Variants in KIF2A observed in about 807,000 individuals in gnomAD.
KIF2A encodes the protein kinesin-like protein KIF2A.
Under a neutral mutation model 100.2 loss-of-function variants are expected in KIF2A, and 22 were observed. That is an observed-to-expected ratio of 0.22 (90% CI 0.16 to 0.31). The LOEUF is 0.31. Ranked by LOEUF, KIF2A falls within the 10% of genes least tolerant of loss-of-function variation. KIF2A has a pLI of 1.00. For missense variants in KIF2A, 495 were observed against 898.7 expected, an observed-to-expected ratio of 0.55 and a Z score of 5.74; for synonymous variants, 268 against 285.9, an observed-to-expected ratio of 0.94 and a Z score of 0.63.
In KIF2A at chr5:62,386,921, C is replaced by G. The variant is rs1371714765; in HGVS notation, c.*1352C>G. On this transcript the variant is annotated 3_prime_UTR_variant, in exon 21 of 21. Transcript: ENST00000407818. ...TTTCCCTCAGTTCCCAGGATGGGGTCCAGGAGTAGATTAACAGCTAAAAAT... is the reference window on the plus strand; with the variant it reads ...TTTCCCTCAGTTCCCAGGATGGGGTGCAGGAGTAGATTAACAGCTAAAAAT... Among the ~76,000 whole-genome samples the G allele has an allele frequency of 6.6e-6, 1 of 152,120 alleles. No homozygotes were observed. The highest frequency in any genetic ancestry group is 6.5e-5 in the Admixed American group (1 of 15,276).
Position 62,349,102 on chromosome 5 carries a change from A to C in KIF2A, c.279+935A>C, listed in dbSNP as rs113142389. Among the ~76,000 whole-genome samples, 481 of 152,284 alleles carry C rather than the reference A, an allele frequency of 3.2e-3. 4 individuals carry two copies. The highest frequency in any genetic ancestry group is 0.011 in the African/African-American group (459 of 41,574). ...AGAGGTTATTAGTTACCACTTATAC[A>C]TGGATTATTTTTTATATTCATCTTC... On this transcript the variant is annotated intron_variant, in intron 3 of 20. Transcript: ENST00000407818.
At chr5:62,320,565 A>AC (rs1746046585) in intron 1 of KIF2A, among the ~76,000 whole-genome samples, 1 of 148,584 alleles carries the variant, frequency 6.7e-6, no homozygotes, top group Admixed American at 6.7e-5. Context: ...TGACTATAGC[A>AC]TTTTTTTTTT....
At chr5:62,361,417 G>C in intron 10 of KIF2A, 49 bp from the exon 11 acceptor site, 3 of 1,432,762 alleles carry the variant, frequency 2.1e-6, no homozygotes, top group Non-Finnish European at 2.0e-6. Flanking sequence ...AAATTCTTAA[G>C]AGTTATTCCT....
chr5:62,373,171 C>T (rs1741392507), intron 17 of KIF2A, among the ~76,000 whole-genome samples: 1 of 151,880 alleles, frequency 6.6e-6, no homozygotes, highest in Admixed American at 6.6e-5. Context: ...ATCTTATAAT[C>T]TTTATACATT....
Position 62,383,229 on chromosome 5 carries a change from A to ATTTTT in KIF2A, c.2149+2003_2149+2007dup, listed in dbSNP as rs70977902. On this transcript the variant is annotated intron_variant, in intron 20 of 20. Transcript: ENST00000407818. Reference sequence around the variant, plus strand: ...GGCATGAGCCACCATGCCTGGCCAGATTTTTTTTTTTTTTTTTTTTTTTTT... The same window carrying ATTTTT: ...GGCATGAGCCACCATGCCTGGCCAGATTTTTTTTTTTTTTTTTTTTTTTTTTTTTT... 2.6e-4 allele frequency among the ~76,000 whole-genome samples: 10 copies of ATTTTT among 39,100 alleles called. 1 individual carries two copies. Among genetic ancestry groups the ATTTTT allele is most frequent in the Admixed American group, 3.9e-4 (1 of 2,532 alleles). 25.7% of individuals were successfully genotyped at this position (39,100 alleles called of 152,430 possible). A position where few individuals can be genotyped will look rare whatever the true frequency, so the allele number is the denominator to read the frequency against.
At position 62,389,164 on chromosome 5, in the gene KIF2A, C is replaced by T; in HGVS notation, c.*3595C>T. 1 of 874,228 alleles carries T rather than the reference C, an allele frequency of 1.1e-6. No individual in the cohort carries two copies. Among genetic ancestry groups the T allele is most frequent in the Non-Finnish European group, 1.8e-6 (1 of 563,948 alleles). 54.2% of individuals were successfully genotyped at this position (874,228 alleles called of 1,614,324 possible). A position where few individuals can be genotyped will look rare whatever the true frequency, so the allele number is the denominator to read the frequency against. On this transcript the variant is annotated 3_prime_UTR_variant, in exon 21 of 21. Transcript: ENST00000407818. ...ACATGAATACAGCATGCTTACAGAGCCCACCCACTCCTAATACTAGTTATT... is the reference window on the plus strand; with the variant it reads ...ACATGAATACAGCATGCTTACAGAGTCCACCCACTCCTAATACTAGTTATT...
intron 1 of KIF2A, among the ~76,000 whole-genome samples, chr5:62,323,379 CG>C (rs1232226414): frequency 6.6e-6 from 1 of 151,870 alleles, no homozygotes; most frequent in African/African-American, 2.4e-5. Context: ...AAAAATTAGC[CG>C]GGCGCGGCGG....
chr5:62,344,313 A>G (rs1327978147), intron 1 of KIF2A, among the ~76,000 whole-genome samples: 1 of 151,354 alleles, frequency 6.6e-6, no homozygotes, highest in Non-Finnish European at 1.5e-5. Flanking sequence ...GCACCACTGC[A>G]GTCCAACCTG....
chr5:62,325,456 C>G (rs1746328926), intron 1 of KIF2A, among the ~76,000 whole-genome samples: 2 of 60,706 alleles, frequency 3.3e-5, no homozygotes, highest in Non-Finnish European at 8.0e-5. Flanking sequence ...CATTCCTGCT[C>G]TGAAAGAAAA....
At chr5:62,324,371 A>G (rs541435993) in intron 1 of KIF2A, among the ~76,000 whole-genome samples, 8 of 152,384 alleles carry the variant, frequency 5.2e-5, no homozygotes, top group South Asian at 2.1e-4. Flanking sequence ...TCTAAAATTC[A>G]TATGAACCAA....
chr5:62,376,530 C>T (rs958185969), intron 18 of KIF2A, among the ~76,000 whole-genome samples: 13 of 152,218 alleles, frequency 8.5e-5, no homozygotes, highest in Middle Eastern at 3.4e-3. Flanking sequence ...AGTGATTCTC[C>T]TGCCTCAGCC....
chr5:62,311,123 T>A (rs1251315116), intron 1 of KIF2A, among the ~76,000 whole-genome samples: 1 of 152,192 alleles, frequency 6.6e-6, no homozygotes, highest in Non-Finnish European at 1.5e-5. Context: ...GAAACTTGAG[T>A]CCCAGATCAC....
In KIF2A at chr5:62,388,538, A is replaced by G. The variant is rs1742144666; in HGVS notation, c.*2969A>G. The stretch of plus-strand genomic sequence containing the variant: ...CAAAATAAAAATAATTTAAGAAACA[A>G]TTGTTTTACTGTACATGTGAATAAC... On this transcript the variant is annotated 3_prime_UTR_variant, in exon 21 of 21. Coordinates refer to ENST00000407818, the MANE Select transcript of KIF2A (RefSeq NM_001098511.3). 1 of 154,304 alleles carries G rather than the reference A, an allele frequency of 6.5e-6. No individual in the cohort carries two copies. The highest frequency in any genetic ancestry group is 1.4e-5 in the Non-Finnish European group (1 of 69,616). 9.6% of individuals were successfully genotyped at this position (154,304 alleles called of 1,614,324 possible).
Position 62,388,897 on chromosome 5 carries a change from A to G in KIF2A, c.*3328A>G, listed in dbSNP as rs1742161081. The G allele has an allele frequency of 4.8e-6, 5 of 1,036,012 alleles. No homozygotes were observed. The highest frequency in any genetic ancestry group is 7.2e-6 in the Non-Finnish European group (5 of 695,514). The allele number at this position is 1,036,012 out of a possible 1,614,324, so 64.2% of individuals were successfully genotyped here. On this transcript the variant is annotated 3_prime_UTR_variant, in exon 21 of 21. Coordinates refer to ENST00000407818, the MANE Select transcript of KIF2A (RefSeq NM_001098511.3). ...TGACAACAGTAGTAGTATTGAACCA[A>G]AAATAGTCAAGTAAATAATGTCTCA...
At chr5:62,353,465 G>A (rs1747952811) in intron 6 of KIF2A, 90 bp downstream of exon 6, 4 of 549,892 alleles carry the variant, frequency 7.3e-6, no homozygotes, top group Non-Finnish European at 9.0e-6. Flanking sequence ...AAATAATTAA[G>A]GCATTTTTTT....
At chr5:62,363,920 C>T (rs746737943) in intron 14 of KIF2A, 21 bp downstream of exon 14, 10 of 1,542,072 alleles carry the variant, frequency 6.5e-6, no homozygotes, top group Admixed American at 3.9e-5. Flanking sequence ...TGTATTTTAT[C>T]ATGAAAGGTC....
chr5:62,355,932 C>T (rs1013411417), intron 7 of KIF2A, among the ~76,000 whole-genome samples: 1 of 147,062 alleles, frequency 6.8e-6, no homozygotes, highest in African/African-American at 2.5e-5. Context: ...CAGGCGCCTG[C>T]CACCACGCCC....
chr5:62,322,688 G>C (rs1177275179), intron 1 of KIF2A, among the ~76,000 whole-genome samples: 1 of 152,080 alleles, frequency 6.6e-6, no homozygotes, highest in African/African-American at 2.4e-5. Context: ...CAGAGTTGAA[G>C]GGTGGGAAAC....
rs991946462 is a variant in KIF2A, at chr5:62,387,482, T to G, written c.*1913T>G. 2.0e-5 allele frequency: 3 copies of G among 152,202 alleles called. No homozygotes were observed. The highest frequency in any genetic ancestry group is 7.2e-5 in the African/African-American group (3 of 41,460). 9.4% of individuals were successfully genotyped at this position (152,202 alleles called of 1,614,324 possible). ...TTTGGAAAGTCTCCTTATAGACAAA[T>G]ATGCTGCCTTACACTATGATGGCTT... On this transcript the variant is annotated 3_prime_UTR_variant, in exon 21 of 21. Coordinates refer to ENST00000407818, the MANE Select transcript of KIF2A (RefSeq NM_001098511.3).
Sources: allele counts gnomAD v4.1 joint callset (sites outside exome capture counted in the v4.1 genomes callset), GRCh38; gene constraint gnomAD v4.1.1; transcripts MANE v1.5; gene names NCBI Gene and HGNC (gene_info 2026-07-23, HGNC 2026-07-21).